The following ZNF385D variants were observed in gnomAD, a reference collection of about 807,000 sequenced individuals.
The protein encoded by ZNF385D is zinc finger protein 659.
In ZNF385D, 15 loss-of-function variants were observed where a neutral mutation model predicts 35.8. That is an observed-to-expected ratio of 0.42 (90% CI 0.28 to 0.64). The LOEUF (loss-of-function observed/expected upper bound fraction) is 0.64, where lower values mean the gene tolerates loss of function less well. Among genes scored for constraint, ZNF385D ranks in the 30% least tolerant of loss-of-function variants. The pLI is 0.23. For synonymous variants in ZNF385D, 212 were observed against 186.8 expected (o/e 1.13, Z -1.10); for missense variants, 474 against 494.6 (o/e 0.96, Z 0.39).
intron 2 of ZNF385D, among the ~76,000 whole-genome samples, chr3:22,337,752 G>T (rs1475974265): frequency 6.6e-6 from 1 of 152,052 alleles, no homozygotes; most frequent in Non-Finnish European, 1.5e-5. Context: ...TTTCATATTT[G>T]TATGTTTTCA....
intron 3 of ZNF385D, among the ~76,000 whole-genome samples, chr3:21,542,644 G>C (rs2062212762): frequency 6.6e-6 from 1 of 152,048 alleles, no homozygotes; most frequent in South Asian, 2.1e-4. Context: ...CACTGAAACA[G>C]CCAGGTGAGG....
chr3:21,458,824 G>A (rs1173565153), intron 4 of ZNF385D, among the ~76,000 whole-genome samples: 1 of 120,696 alleles, frequency 8.3e-6, no homozygotes, highest in Non-Finnish European at 1.7e-5. Flanking sequence ...TGGGGGGGCG[G>A]GACTGATGAT....
intron 3 of ZNF385D, among the ~76,000 whole-genome samples, chr3:21,996,171 C>T (rs1187495245): frequency 2.6e-5 from 4 of 152,264 alleles, no homozygotes; most frequent in Admixed American, 1.3e-4. Flanking sequence ...CAAACTACCT[C>T]TCCAGAATAA....
chr3:21,947,653 A>T (rs1701859989), intron 3 of ZNF385D, among the ~76,000 whole-genome samples: 1 of 152,112 alleles, frequency 6.6e-6, no homozygotes, highest in South Asian at 2.1e-4. Context: ...CCCGGCTATA[A>T]GTTATTTTTA....
intron 3 of ZNF385D, among the ~76,000 whole-genome samples, chr3:21,534,327 A>G (rs2061988825): frequency 1.3e-5 from 2 of 152,076 alleles, no homozygotes; most frequent in African/African-American, 4.8e-5. Context: ...ACCAAGTGAA[A>G]ACCCATAGAT....
chr3:22,325,651 C>T (rs1694640685), intron 2 of ZNF385D, among the ~76,000 whole-genome samples: 1 of 152,018 alleles, frequency 6.6e-6, no homozygotes, highest in African/African-American at 2.4e-5. Context: ...CCCAGCTACT[C>T]AGGAGGCTGA....
chr3:22,230,517 C>T (rs1698823999), intron 2 of ZNF385D, among the ~76,000 whole-genome samples: 1 of 152,116 alleles, frequency 6.6e-6, no homozygotes, highest in Admixed American at 6.5e-5. Flanking sequence ...ATCAGACACC[C>T]CTCCCTCTAT....
intron 2 of ZNF385D, among the ~76,000 whole-genome samples, chr3:22,334,591 A>C (rs1695082725): frequency 6.6e-6 from 1 of 152,200 alleles, no homozygotes; most frequent in African/African-American, 2.4e-5. Context: ...AAAAGTTATC[A>C]TCTGACCATA....
intron 1 of ZNF385D, among the ~76,000 whole-genome samples, chr3:21,697,918 G>C (rs946142074): frequency 5.3e-5 from 8 of 152,104 alleles, no homozygotes; most frequent in Admixed American, 2.6e-4. Context: ...ACACCAGTCA[G>C]AATGGCTATT....
chr3:22,115,492 A>G (rs773841454), intron 3 of ZNF385D, among the ~76,000 whole-genome samples: 8 of 152,090 alleles, frequency 5.3e-5, no homozygotes, highest in Non-Finnish European at 1.2e-4. Context: ...TTAATTTTAT[A>G]GAGAATGAAA....
At chr3:21,709,227 T>A (rs1052547966) in intron 1 of ZNF385D, among the ~76,000 whole-genome samples, 1 of 152,176 alleles carries the variant, frequency 6.6e-6, no homozygotes, top group East Asian at 1.9e-4. Flanking sequence ...TCAGAAACAA[T>A]GATACACATA....
chr3:21,445,054 T>G (rs563170909), intron 4 of ZNF385D, among the ~76,000 whole-genome samples: 69 of 152,278 alleles, frequency 4.5e-4, no homozygotes, highest in African/African-American at 1.6e-3. Flanking sequence ...ACACGAATTG[T>G]CCAGTCCCCT....
At chr3:22,059,780 C>A (rs572257556) in intron 3 of ZNF385D, among the ~76,000 whole-genome samples, 130 of 152,292 alleles carry the variant, frequency 8.5e-4, no homozygotes, top group African/African-American at 2.6e-3. Context: ...GGTTAATTTT[C>A]TGTGTTGACT....
intron 2 of ZNF385D, among the ~76,000 whole-genome samples, chr3:22,186,712 A>G (rs538423980): frequency 1.3e-5 from 2 of 152,078 alleles, no homozygotes; most frequent in Non-Finnish European, 2.9e-5. Context: ...ACTTAATTTC[A>G]TGCTCTTACT....
At chr3:21,627,246 GGTGTGTGTGTGT>G (rs55918045) in intron 2 of ZNF385D, among the ~76,000 whole-genome samples, 268 of 139,500 alleles carry the variant, frequency 1.9e-3, no homozygotes, top group Middle Eastern at 0.014. Flanking sequence ...AGAGGTGTAG[GGTGTGTGTGTGT>G]GTGTGTGTGT....
chr3:21,725,210 G>A (rs953499885), intron 1 of ZNF385D, among the ~76,000 whole-genome samples: 32 of 151,946 alleles, frequency 2.1e-4, no homozygotes, highest in African/African-American at 7.2e-4. Flanking sequence ...TATAGCACTA[G>A]AAGCCCACAA....
At chr3:21,830,131 A>G (rs1694895728) in intron 3 of ZNF385D, among the ~76,000 whole-genome samples, 1 of 150,852 alleles carries the variant, frequency 6.6e-6, no homozygotes, top group African/African-American at 2.4e-5. Context: ...CAAAAAAAAT[A>G]AAAGAGGCAT....
intron 3 of ZNF385D, among the ~76,000 whole-genome samples, chr3:21,963,659 T>C (rs533190386): frequency 7.7e-4 from 117 of 152,310 alleles, no homozygotes; most frequent in African/African-American, 2.7e-3. Context: ...TATAATACAA[T>C]GAATATACAA....
At chr3:21,759,623 T>C (rs1357621288) in intron 3 of ZNF385D, among the ~76,000 whole-genome samples, 1 of 152,216 alleles carries the variant, frequency 6.6e-6, no homozygotes, top group Non-Finnish European at 1.5e-5. Context: ...AAAGATCTTA[T>C]ACACTTCAGA....
Sources: allele counts gnomAD v4.1 joint callset (sites outside exome capture counted in the v4.1 genomes callset), GRCh38; gene constraint gnomAD v4.1.1; transcripts MANE v1.5; gene names NCBI Gene and HGNC (gene_info 2026-07-23, HGNC 2026-07-21).